Variants in KLHL18 observed in about 807,000 individuals in gnomAD.
KLHL18 encodes kelch like family member 18, also known as kelch-like protein 18.
KLHL18 carries 38 observed loss-of-function variants against 58.5 expected under a neutral mutation model. That is an observed-to-expected ratio of 0.65 (90% CI 0.50 to 0.85). KLHL18 has a LOEUF of 0.85. Ranked by LOEUF, KLHL18 falls within the 40% of genes least tolerant of loss-of-function variation. The pLI is 0.00. For missense variants in KLHL18, 624 were observed against 778.4 expected (o/e 0.80, Z 2.36); for synonymous variants, 303 against 301.9 (o/e 1.00, Z -0.04).
At chr3:47,320,028 C>G (rs1286745605) in intron 2 of KLHL18, among the ~76,000 whole-genome samples, 1 of 151,538 alleles carries the variant, frequency 6.6e-6, no homozygotes, top group South Asian at 2.1e-4. Flanking sequence ...AGGACCTAGA[C>G]TCCATGATTT....
chr3:47,297,088 C>CT (rs753461939), intron 1 of KLHL18, among the ~76,000 whole-genome samples: 2 of 152,132 alleles, frequency 1.3e-5, no homozygotes, highest in Non-Finnish European at 2.9e-5. Context: ...GCCCCAAGTC[C>CT]TTTTTTAGTG....
At chr3:47,326,494 C>T (rs1251216508) in intron 3 of KLHL18, among the ~76,000 whole-genome samples, 1 of 152,138 alleles carries the variant, frequency 6.6e-6, no homozygotes, top group African/African-American at 2.4e-5. Context: ...TCCCTCATAT[C>T]TCCCTCCTCC....
At chr3:47,293,807 C>T (rs1702839505) in intron 1 of KLHL18, among the ~76,000 whole-genome samples, 1 of 152,174 alleles carries the variant, frequency 6.6e-6, no homozygotes, top group African/African-American at 2.4e-5. Flanking sequence ...CACCCTTGCC[C>T]ATCTTTTGTT....
intron 1 of KLHL18, among the ~76,000 whole-genome samples, chr3:47,318,855 A>G (rs1703517782): frequency 6.6e-6 from 1 of 152,224 alleles, no homozygotes; most frequent in East Asian, 1.9e-4. Flanking sequence ...TTGGATAAAT[A>G]TGACACAAAG....
At chr3:47,292,578 C>T (rs1576133045) in intron 1 of KLHL18, among the ~76,000 whole-genome samples, 1 of 151,902 alleles carries the variant, frequency 6.6e-6, no homozygotes, top group South Asian at 2.1e-4. Flanking sequence ...TGGAAGCAAC[C>T]CAAGGGTCTA....
chr3:47,344,236 T>C lies in KLHL18; in HGVS notation c.*295T>C. ...ACAGGCTCCATCCAGGCCCAGCTCC[T>C]ACCCACCGCCTCTCTGTGGGCCAGC... On this transcript the variant is annotated 3_prime_UTR_variant, in exon 10 of 10. Transcript: ENST00000232766. 1 of 417,374 alleles carries C rather than the reference T, an allele frequency of 2.4e-6. No homozygotes were observed. The highest frequency in any genetic ancestry group is 4.3e-6 in the Non-Finnish European group (1 of 232,920). The allele number at this position is 417,374 out of a possible 1,614,324, so 25.9% of individuals were successfully genotyped here. A position where few individuals can be genotyped will look rare whatever the true frequency, so the allele number is the denominator to read the frequency against.
At chr3:47,310,617 C>T (rs1024577504) in intron 1 of KLHL18, among the ~76,000 whole-genome samples, 11 of 152,228 alleles carry the variant, frequency 7.2e-5, no homozygotes, top group Admixed American at 1.3e-4. Flanking sequence ...CCCAGGCACT[C>T]GGTGTCAGCT....
chr3:47,301,921 G>A (rs1346140911), intron 1 of KLHL18, among the ~76,000 whole-genome samples: 3 of 151,894 alleles, frequency 2.0e-5, no homozygotes. Context: ...TCAGCCTCCC[G>A]AGCAGTTGGG....
At chr3:47,285,536 G>A (rs982533248) in intron 1 of KLHL18, among the ~76,000 whole-genome samples, 1 of 151,670 alleles carries the variant, frequency 6.6e-6, no homozygotes, top group Non-Finnish European at 1.5e-5. Context: ...GGGCAACATG[G>A]CAAAACCCCG....
intron 1 of KLHL18, among the ~76,000 whole-genome samples, chr3:47,306,815 C>T (rs1348682342): frequency 6.6e-6 from 1 of 152,128 alleles, no homozygotes; most frequent in East Asian, 1.9e-4. Context: ...ATTGGACTTC[C>T]TAATTGGACT....
intron 1 of KLHL18, among the ~76,000 whole-genome samples, chr3:47,309,105 A>G (rs1477798481): frequency 2.6e-5 from 4 of 152,230 alleles, no homozygotes; most frequent in Admixed American, 6.5e-5. Flanking sequence ...ATAGATCAAC[A>G]GCATCCCGAG....
chr3:47,317,170 T>C (rs1279413950), intron 1 of KLHL18, among the ~76,000 whole-genome samples: 1 of 152,190 alleles, frequency 6.6e-6, no homozygotes, highest in Non-Finnish European at 1.5e-5. Context: ...CTGAGTGCAG[T>C]GGTACGGTGT....
At chr3:47,317,313 C>T (rs1703478415) in intron 1 of KLHL18, among the ~76,000 whole-genome samples, 1 of 152,080 alleles carries the variant, frequency 6.6e-6, no homozygotes, top group Non-Finnish European at 1.5e-5. Context: ...GGGGTTTCAC[C>T]ATGTTGGCCA....
chr3:47,296,618 G>C (rs1178965123), intron 1 of KLHL18, among the ~76,000 whole-genome samples: 1 of 152,214 alleles, frequency 6.6e-6, no homozygotes, highest in Non-Finnish European at 1.5e-5. Context: ...GATATTTACA[G>C]TTCTGAGGGT....
intron 1 of KLHL18, among the ~76,000 whole-genome samples, chr3:47,294,259 A>T (rs911305828): frequency 6.6e-6 from 1 of 152,200 alleles, no homozygotes; most frequent in African/African-American, 2.4e-5. Context: ...GTTTTCATTC[A>T]GCAGGGTGCT....
At chr3:47,306,053 T>G (rs1703141220) in intron 1 of KLHL18, among the ~76,000 whole-genome samples, 1 of 152,080 alleles carries the variant, frequency 6.6e-6, no homozygotes, top group African/African-American at 2.4e-5. Context: ...GTTTTTAATT[T>G]CATTGATTTC....
intron 1 of KLHL18, among the ~76,000 whole-genome samples, chr3:47,310,849 A>G (rs1324938302): frequency 6.6e-6 from 1 of 152,048 alleles, no homozygotes; most frequent in African/African-American, 2.4e-5. Context: ...TCCCACTGCC[A>G]CCATCCAGGC....
In KLHL18 at chr3:47,343,970, G is replaced by A. The variant is rs1481729333; in HGVS notation, c.*29G>A. 2.5e-6 allele frequency: 4 copies of A among 1,608,114 alleles called. No homozygotes were observed. The African/African-American group carries it at 4.0e-5, about 16-fold the overall frequency. On this transcript the variant is annotated 3_prime_UTR_variant, in exon 10 of 10. Coordinates refer to ENST00000232766, the MANE Select transcript of KLHL18 (RefSeq NM_025010.5). Reference sequence around the variant, plus strand: ...AGAGGATGGGATGTGGTGGGGCAGGGATCTGGTACAGACATAGGCGCTTCC... The same window carrying A: ...AGAGGATGGGATGTGGTGGGGCAGGAATCTGGTACAGACATAGGCGCTTCC...
chr3:47,291,963 A>G (rs891489173), intron 1 of KLHL18, among the ~76,000 whole-genome samples: 1 of 152,222 alleles, frequency 6.6e-6, no homozygotes, highest in Non-Finnish European at 1.5e-5. Flanking sequence ...TAAAGACACC[A>G]TGCTCCCATT....
Sources: allele counts gnomAD v4.1 joint callset (sites outside exome capture counted in the v4.1 genomes callset), GRCh38; gene constraint gnomAD v4.1.1; transcripts MANE v1.5; gene names NCBI Gene and HGNC (gene_info 2026-07-23, HGNC 2026-07-21).